Variants in PCDHGA11 observed in about 807,000 individuals in gnomAD.
PCDHGA11 encodes protocadherin gamma-A11.
Under a neutral mutation model 60.4 loss-of-function variants are expected in PCDHGA11, and 39 were observed. The observed-to-expected ratio is 0.65, with a 90% CI of 0.50 to 0.84. The LOEUF is 0.84. PCDHGA11 is among the 40% of genes least tolerant of loss of function. The pLI is 0.00. For synonymous variants in PCDHGA11, 533 were observed against 510.3 expected (o/e 1.04, Z -0.60); for missense variants, 1,165 against 1,197.7 (o/e 0.97, Z 0.40).
rs747671382 is a variant in PCDHGA11 at position 141,444,152 on chromosome 5, A to ATTTTTT, written c.2433+20523_2433+20528dup. ...GATATGTGTCACTTGTGTGTACTGG[A>ATTTTTT]TTTTTTTTTTTTTTTTTTTTTTTTT... On this transcript the variant is annotated intron_variant, in intron 1 of 3. Coordinates refer to ENST00000398587, the MANE Select transcript of PCDHGA11 (RefSeq NM_018914.3). Among the ~76,000 whole-genome samples the ATTTTTT allele has an allele frequency of 3.5e-4, 12 of 33,898 alleles. 1 individual carries two copies. Among genetic ancestry groups the ATTTTTT allele is most frequent in the African/African-American group, 4.2e-4 (3 of 7,184 alleles). The allele number at this position is 33,898 out of a possible 152,430, so 22.2% of individuals were successfully genotyped here.
intron 1 of PCDHGA11, among the ~76,000 whole-genome samples, chr5:141,437,452 G>GACTAT (rs1319101256): frequency 6.6e-6 from 1 of 152,144 alleles, no homozygotes; most frequent in Non-Finnish European, 1.5e-5. Context: ...ATGTTGAGGA[G>GACTAT]ACTATACTAT....
intron 1 of PCDHGA11, among the ~76,000 whole-genome samples, chr5:141,462,086 A>G (rs993185274): frequency 6.6e-6 from 1 of 151,408 alleles, no homozygotes; most frequent in Non-Finnish European, 1.5e-5. Flanking sequence ...GCCTCCCAAA[A>G]TGCTGGGATT....
chr5:141,467,923 T>C lies in PCDHGA11; in HGVS notation c.2434-26884T>C, dbSNP rs190816380. Among the ~76,000 whole-genome samples the C allele has an allele frequency of 3.9e-3, 588 of 151,590 alleles. 5 individuals carry two copies. Among genetic ancestry groups the C allele is most frequent in the Admixed American group, 0.011 (168 of 15,214 alleles). ...ATCCGCCCACCTCAGCCTCCCAAAA[T>C]GCTAGGATTACAAGCATGAGCCACC... On this transcript the variant is annotated intron_variant, in intron 1 of 3. Coordinates refer to ENST00000398587, the MANE Select transcript of PCDHGA11 (RefSeq NM_018914.3).
rs568472427 is a variant in PCDHGA11, at chr5:141,460,924, A to G, written c.2434-33883A>G. 3.3e-4 allele frequency among the ~76,000 whole-genome samples: 50 copies of G among 150,592 alleles called. No homozygotes were observed. The East Asian group carries it at 6.6e-3, about 20-fold the overall frequency. Reference sequence around the variant, plus strand: ...AATATTCCATGGTGTATATATATATATGTGTGTGTGTATATATATGTATTA... The same window carrying G: ...AATATTCCATGGTGTATATATATATGTGTGTGTGTGTATATATATGTATTA... On this transcript the variant is annotated intron_variant, in intron 1 of 3. Coordinates refer to ENST00000398587, the MANE Select transcript of PCDHGA11 (RefSeq NM_018914.3).
At chr5:141,444,672 A>G (rs990955921) in intron 1 of PCDHGA11, among the ~76,000 whole-genome samples, 2 of 152,086 alleles carry the variant, frequency 1.3e-5, no homozygotes, top group Non-Finnish European at 2.9e-5. Flanking sequence ...ATTTTTTTCA[A>G]TACCATTTAT....
At chr5:141,450,152 A>G (rs958894990) in intron 1 of PCDHGA11, among the ~76,000 whole-genome samples, 1 of 151,132 alleles carries the variant, frequency 6.6e-6, no homozygotes, top group East Asian at 2.0e-4. Context: ...GACTACAGGC[A>G]TGTGCCACCA....
chr5:141,458,512 T>TG (rs2098947554), intron 1 of PCDHGA11, among the ~76,000 whole-genome samples: 2 of 150,084 alleles, frequency 1.3e-5, no homozygotes, highest in African/African-American at 5.0e-5. Context: ...TTTGACACTT[T>TG]GTTTTTTTTT....
Position 141,421,082 on chromosome 5 carries a change from C to A in PCDHGA11, c.-146C>A. On this transcript the variant is annotated 5_prime_UTR_variant, in exon 1 of 4. Coordinates refer to ENST00000398587, the MANE Select transcript of PCDHGA11 (RefSeq NM_018914.3). The stretch of plus-strand genomic sequence containing the variant: ...CAAAGCGGAATGAGATGGATACTCA[C>A]AGATCCTGACACTGGAGACTTAGAA... 1.6e-6 allele frequency: 1 copy of A among 640,114 alleles called. No homozygotes were observed. The highest frequency in any genetic ancestry group is 2.6e-6 in the Non-Finnish European group (1 of 381,984). The allele number at this position is 640,114 out of a possible 1,614,324, so 39.7% of individuals were successfully genotyped here. A position where few individuals can be genotyped will look rare whatever the true frequency, so the allele number is the denominator to read the frequency against.
At chr5:141,433,397 A>C (rs189987785) in intron 1 of PCDHGA11, among the ~76,000 whole-genome samples, 2 of 150,410 alleles carry the variant, frequency 1.3e-5, no homozygotes, top group African/African-American at 4.9e-5. Context: ...CTATCTATCT[A>C]TCTATCTATT....
Position 141,432,812 on chromosome 5 carries a change from G to A in PCDHGA11, c.2433+9152G>A, listed in dbSNP as rs753429933. ...CAGCCTCGAGTCTCCAGCTAACTCT[G>A]AAACCTCAGACCTCACTCTGTACCT... On this transcript the variant is annotated intron_variant, in intron 1 of 3. Coordinates refer to ENST00000398587, the MANE Select transcript of PCDHGA11 (RefSeq NM_018914.3). This position sits in a 1 kb window ranked among gnomAD's most constrained non-coding sequence, Gnocchi z 6.0. 1.2e-6 allele frequency: 2 copies of A among 1,614,176 alleles called. No homozygotes were observed. Among genetic ancestry groups the A allele is most frequent in the Non-Finnish European group, 1.7e-6 (2 of 1,180,014 alleles).
Position 141,491,900 on chromosome 5 carries a change from G to A in PCDHGA11, c.2434-2907G>A, listed in dbSNP as rs1268804496. 7.0e-7 allele frequency: 1 copy of A among 1,429,818 alleles called. No individual in the cohort carries two copies. Among genetic ancestry groups the A allele is most frequent in the East Asian group, 2.5e-5 (1 of 39,444 alleles). The allele number at this position is 1,429,818 out of a possible 1,614,324, so 88.6% of individuals were successfully genotyped here. A position where few individuals can be genotyped will look rare whatever the true frequency, so the allele number is the denominator to read the frequency against. ...TAAGGGATGGGGCTCCGAGCACCGGGGGTGGTGGCGACTGTGGGCGAGGGG... is the reference window on the plus strand; with the variant it reads ...TAAGGGATGGGGCTCCGAGCACCGGAGGTGGTGGCGACTGTGGGCGAGGGG... On this transcript the variant is annotated intron_variant, in intron 1 of 3. Coordinates refer to ENST00000398587, the MANE Select transcript of PCDHGA11 (RefSeq NM_018914.3). This position sits in a 1 kb window ranked among gnomAD's most constrained non-coding sequence, Gnocchi z 6.9.
intron 1 of PCDHGA11, among the ~76,000 whole-genome samples, chr5:141,429,602 C>T (rs548994907): frequency 1.1e-4 from 16 of 152,218 alleles, no homozygotes; most frequent in African/African-American, 3.6e-4. Flanking sequence ...TTCAAGTAAA[C>T]TCAATTTTAT....
At position 141,431,176 on chromosome 5, in the gene PCDHGA11, A is replaced by G; in HGVS notation, c.2433+7516A>G. On this transcript the variant is annotated intron_variant, in intron 1 of 3. Coordinates refer to ENST00000398587, the MANE Select transcript of PCDHGA11 (RefSeq NM_018914.3). The surrounding 1 kb of genome is among the most constrained non-coding windows in gnomAD (Gnocchi z 4.8). Reference sequence around the variant, plus strand: ...CTTACTTTCGTGAAAGTGAATTAGAAATAAAAATTAGTGAAAATGCAGCCA... The same window carrying G: ...CTTACTTTCGTGAAAGTGAATTAGAGATAAAAATTAGTGAAAATGCAGCCA... The G allele has an allele frequency of 1.2e-6, 2 of 1,614,212 alleles. No individual in the cohort carries two copies. Among genetic ancestry groups the G allele is most frequent in the Non-Finnish European group, 1.7e-6 (2 of 1,180,032 alleles).
At position 141,423,606 on chromosome 5, in the gene PCDHGA11, G is replaced by A. The variant is rs945897368; in HGVS notation, c.2379G>A (p.Leu793=). 9 of 1,612,046 alleles carry A rather than the reference G, an allele frequency of 5.6e-6. No individual in the cohort carries two copies. In the Admixed American group the frequency reaches 1.0e-4, roughly 18 times the overall value. Residue 793 remains leucine, a synonymous_variant, in exon 1 of 4, where the codon TTG becomes TTA. Transcript: ENST00000398587. ...GCTGTGAGAAAAGCGAGCCACTCTT[G>A]ATAGCTGAAGACTCAGCTATCATTT... ...QESCEKSEPL[L]IAEDSAIILG... is the part of the protein sequence containing the mutation.
chr5:141,432,343 G>C lies in PCDHGA11; in HGVS notation c.2433+8683G>C, dbSNP rs1174646711. 3 of 1,614,130 alleles carry C rather than the reference G, an allele frequency of 1.9e-6. No homozygotes were observed. On this transcript the variant is annotated intron_variant, in intron 1 of 3. Coordinates refer to ENST00000398587, the MANE Select transcript of PCDHGA11 (RefSeq NM_018914.3). This position sits in a 1 kb window ranked among gnomAD's most constrained non-coding sequence, Gnocchi z 6.0. ...TCGACTACGAGCAGTTCCGAGACTTGCAAGTGAAAGTGATGGCGCGGGACA... is the reference window on the plus strand; with the variant it reads ...TCGACTACGAGCAGTTCCGAGACTTCCAAGTGAAAGTGATGGCGCGGGACA...
chr5:141,479,328 G>A (rs568506786), intron 1 of PCDHGA11: 1 of 152,654 alleles, frequency 6.6e-6, no homozygotes, highest in East Asian at 1.9e-4. Flanking sequence ...CAGACTCAGT[G>A]GTGTGCACCT....
chr5:141,478,202 C>T, intron 1 of PCDHGA11: 1 of 1,614,074 alleles, frequency 6.2e-7, no homozygotes, highest in Non-Finnish European at 8.5e-7. Flanking sequence ...TTATCTACTT[C>T]TTTCTCTAAT....
At chr5:141,428,174 G>A (rs962782246) in intron 1 of PCDHGA11, 3 of 1,515,246 alleles carry the variant, frequency 2.0e-6, no homozygotes, top group Non-Finnish European at 2.7e-6. Context: ...TGTGCGTGAC[G>A]GAGGACAGCC....
intron 1 of PCDHGA11, among the ~76,000 whole-genome samples, chr5:141,472,863 G>A (rs2099301197): frequency 6.7e-6 from 1 of 149,994 alleles, no homozygotes. Context: ...GCACATGCCT[G>A]TATTCCCAGC....
Sources: gnomAD v4.1 joint callset for allele counts (sites outside exome capture counted in the v4.1 genomes callset) on GRCh38, gnomAD v4.1.1 for gene constraint, Gnocchi (gnomAD v3.1) non-coding constraint, MANE v1.5 for transcripts, NCBI Gene and HGNC (gene_info 2026-07-23, HGNC 2026-07-21) for gene names.